ATP2B2: variants seen among roughly 807,000 people sequenced by gnomAD.
The protein encoded by ATP2B2 is ATPase plasma membrane Ca2+ transporting 2.
A neutral mutation model predicts 120.0 loss-of-function variants in ATP2B2; 15 were observed. The observed-to-expected ratio is 0.12, with a 90% CI of 0.08 to 0.19. ATP2B2 has a LOEUF of 0.19. Ranked by LOEUF, ATP2B2 falls within the 10% of genes least tolerant of loss-of-function variation. The pLI, the probability that ATP2B2 is intolerant of heterozygous loss-of-function variation, is 1.00. For missense variants in ATP2B2, 1,045 were observed against 1,719.8 expected, an observed-to-expected ratio of 0.61 and a Z score of 6.94; for synonymous variants, 694 against 700.3, an observed-to-expected ratio of 0.99 and a Z score of 0.14.
chr3:10,439,486 G>T (rs2063585187), intron 2 of ATP2B2, among the ~76,000 whole-genome samples: 1 of 152,172 alleles, frequency 6.6e-6, no homozygotes, highest in African/African-American at 2.4e-5. Context: ...CCTGGGCCAG[G>T]CACATTGTGT....
intron 1 of ATP2B2, among the ~76,000 whole-genome samples, chr3:10,660,284 C>T (rs2070745101): frequency 6.6e-6 from 1 of 152,036 alleles, no homozygotes; most frequent in Admixed American, 6.5e-5. Context: ...ACAAAAAACC[C>T]TTCAAAAAAT....
At chr3:10,445,021 T>C (rs1294164095) in intron 2 of ATP2B2, among the ~76,000 whole-genome samples, 1 of 152,254 alleles carries the variant, frequency 6.6e-6, no homozygotes, top group African/African-American at 2.4e-5. Context: ...GTCGCCCATC[T>C]TTCCATGTCC....
Position 10,375,981 on chromosome 3 carries a change from CTG to C in ATP2B2, c.1202-339_1202-338del, listed in dbSNP as rs1405104586. ...TGCTCAAGAGATGTGTGCCGAGTGA[CTG>C]TGTGAATAAAGGAGGAATGGTTTGC... On this transcript the variant is annotated intron_variant, in intron 10 of 22. Transcript: ENST00000360273. This position sits in a 1 kb window ranked among gnomAD's most constrained non-coding sequence, Gnocchi z 4.2. 1.3e-5 allele frequency among the ~76,000 whole-genome samples: 2 copies of C among 152,232 alleles called. No homozygotes were observed. Among genetic ancestry groups the C allele is most frequent in the Non-Finnish European group, 2.9e-5 (2 of 68,042 alleles).
At chr3:10,610,951 T>A (rs2069219964) in intron 2 of ATP2B2, among the ~76,000 whole-genome samples, 1 of 152,138 alleles carries the variant, frequency 6.6e-6, no homozygotes, top group Admixed American at 6.5e-5. Flanking sequence ...TAACAGTGCA[T>A]CCTGCCCGGC....
intron 1 of ATP2B2, among the ~76,000 whole-genome samples, chr3:10,504,679 G>C (rs949820284): frequency 1.3e-5 from 2 of 152,124 alleles, no homozygotes; most frequent in African/African-American, 2.4e-5. Context: ...GAGTCCTGAG[G>C]CCCCCTGCTG....
At chr3:10,484,639 G>C (rs1203167700) in intron 1 of ATP2B2, among the ~76,000 whole-genome samples, 1 of 152,122 alleles carries the variant, frequency 6.6e-6, no homozygotes, top group South Asian at 2.1e-4. Flanking sequence ...TCCCTGCCCT[G>C]CCTCACATCC....
intron 1 of ATP2B2, among the ~76,000 whole-genome samples, chr3:10,667,800 C>T (rs115277976): frequency 0.043 from 6,497 of 152,230 alleles, 160 homozygotes; most frequent in East Asian, 0.079. Flanking sequence ...GACAGGCAGA[C>T]ACGAACTGGT....
chr3:10,623,344 C>A (rs140654505), intron 1 of ATP2B2, among the ~76,000 whole-genome samples: 11 of 152,294 alleles, frequency 7.2e-5, no homozygotes, highest in Admixed American at 2.0e-4. Context: ...AGGCCTGAGC[C>A]ACCGTGCCTA....
chr3:10,333,045 C>G (rs542393918), intron 22 of ATP2B2, among the ~76,000 whole-genome samples: 1 of 152,322 alleles, frequency 6.6e-6, no homozygotes, highest in East Asian at 1.9e-4. Flanking sequence ...TTACCATGTG[C>G]GTCTGTCTGC....
chr3:10,692,161 T>C (rs890429634), intron 1 of ATP2B2, among the ~76,000 whole-genome samples: 1 of 152,336 alleles, frequency 6.6e-6, no homozygotes, highest in African/African-American at 2.4e-5. Flanking sequence ...TTATAAGACA[T>C]ACAAGCCTGG....
At chr3:10,400,912 C>T (rs1233632702) in intron 5 of ATP2B2, 41 bp downstream of exon 5, 1 of 1,612,644 alleles carries the variant, frequency 6.2e-7, no homozygotes, top group East Asian at 2.2e-5. Flanking sequence ...ATCCCCTGTG[C>T]ATGGCGACGG....
At chr3:10,405,732 G>A (rs966310693) in intron 3 of ATP2B2, among the ~76,000 whole-genome samples, 2 of 152,136 alleles carry the variant, frequency 1.3e-5, no homozygotes, top group Non-Finnish European at 2.9e-5. Context: ...TGGCCTCTTC[G>A]GGCCTGTCTG....
intron 1 of ATP2B2, among the ~76,000 whole-genome samples, chr3:10,664,127 A>G (rs571359945): frequency 1.4e-4 from 21 of 152,160 alleles, no homozygotes; most frequent in African/African-American, 5.1e-4. Context: ...AGAGTCTAAG[A>G]GCCAGGGAGT....
At chr3:10,357,060 C>T (rs377706315) in intron 14 of ATP2B2, among the ~76,000 whole-genome samples, 6 of 151,890 alleles carry the variant, frequency 4.0e-5, no homozygotes, top group East Asian at 1.9e-4. Flanking sequence ...TCATTCATTC[C>T]GCAAACACTC....
intron 13 of ATP2B2, 27 bp from the exon 14 acceptor site, chr3:10,358,952 G>T: frequency 6.2e-7 from 1 of 1,608,470 alleles, no homozygotes; most frequent in Non-Finnish European, 8.5e-7. Flanking sequence ...GGGAGATGGG[G>T]AGCCCAGGGA....
Position 10,597,014 on chromosome 3 carries a change from C to T in ATP2B2, c.-415+22903G>A, listed in dbSNP as rs149509795. ...AGGTGCACACGCACACAGGCACACA[C>T]GCACACAGGCACACACCCAGACACA... On this transcript the variant is annotated intron_variant, in intron 2 of 21. Transcript: ENST00000646379. Among the ~76,000 whole-genome samples the T allele has an allele frequency of 7.1e-3, 1,068 of 151,178 alleles. 6 individuals are homozygous for T. The highest frequency in any genetic ancestry group is 0.012 in the Non-Finnish European group (800 of 67,752).
chr3:10,456,900 C>T (rs995934206), intron 1 of ATP2B2, among the ~76,000 whole-genome samples: 5 of 152,222 alleles, frequency 3.3e-5, no homozygotes, highest in Non-Finnish European at 7.4e-5. Context: ...CATGCTGAAC[C>T]CAAGGAAACA....
intron 1 of ATP2B2, among the ~76,000 whole-genome samples, chr3:10,643,434 A>G (rs1315646458): frequency 6.6e-6 from 1 of 152,236 alleles, no homozygotes; most frequent in Non-Finnish European, 1.5e-5. Context: ...AAGCAGCATT[A>G]TTTACCTAGT....
intron 2 of ATP2B2, among the ~76,000 whole-genome samples, chr3:10,552,653 T>C (rs2067694642): frequency 6.6e-6 from 1 of 152,214 alleles, no homozygotes; most frequent in African/African-American, 2.4e-5. Context: ...CTCTTACAAA[T>C]GAAGAAACTG....
Sources: gnomAD v4.1 joint callset for allele counts (sites outside exome capture counted in the v4.1 genomes callset) on GRCh38, gnomAD v4.1.1 for gene constraint, Gnocchi (gnomAD v3.1) non-coding constraint, MANE v1.5 for transcripts, NCBI Gene and HGNC (gene_info 2026-07-23, HGNC 2026-07-21) for gene names.